Variants in NLGN4X observed in about 807,000 individuals in gnomAD.
NLGN4X encodes neuroligin-4, X-linked.
In NLGN4X, 3 loss-of-function variants were observed where a neutral mutation model predicts 40.3. That is an observed-to-expected ratio of 0.07 (90% CI 0.03 to 0.19). The LOEUF is 0.19. NLGN4X is among the 10% of genes least tolerant of loss of function. NLGN4X has a pLI of 1.00. For missense variants in NLGN4X, 382 were observed against 708.3 expected (o/e 0.54, Z 5.23); for synonymous variants, 270 against 306.8 (o/e 0.88, Z 1.25).
chrX:6,127,382 G>A (rs1333385043), intron 2 of NLGN4X, among the ~76,000 whole-genome samples: 1 of 112,645 alleles, frequency 8.9e-6, no homozygotes, highest in African/African-American at 3.2e-5. Flanking sequence ...GGGAGGCCGA[G>A]GGTGGATCAC....
intron 2 of NLGN4X, among the ~76,000 whole-genome samples, chrX:6,114,736 A>G (rs1368268067): frequency 9.0e-6 from 1 of 111,553 alleles, no homozygotes; most frequent in East Asian, 2.8e-4. Context: ...AGCTATTGGT[A>G]GTGACTGAGG....
rs956579844 is a variant in NLGN4X, at chrX:5,893,014, G to A, written c.2254C>T (p.Leu752=). ...ECESLQAHDT[L]RLTCPPDYTL... The stretch of plus-strand genomic sequence containing the variant: ...TAGTCTGGCGGGCAGGTGAGCCTCA[G>A]TGTGTCGTGTGCCTGCAGCGACTCA... Residue 752 remains leucine (L), a synonymous_variant, in exon 6 of 6, where the codon CTG becomes TTG. Coordinates refer to ENST00000381095, the MANE Select transcript of NLGN4X (RefSeq NM_181332.3). 9 of 1,209,194 alleles carry A rather than the reference G, an allele frequency of 7.4e-6. No individual in the cohort carries two copies. The highest frequency in any genetic ancestry group is 1.0e-5 in the Non-Finnish European group (9 of 895,106).
intron 2 of NLGN4X, among the ~76,000 whole-genome samples, chrX:6,041,546 T>C (rs751706615): frequency 3.6e-5 from 4 of 112,024 alleles, no homozygotes; most frequent in Non-Finnish European, 7.5e-5. Flanking sequence ...AGGCATTCCC[T>C]GTTCATCCCA....
chrX:6,037,079 G>A (rs934314791), intron 2 of NLGN4X, among the ~76,000 whole-genome samples: 8 of 110,990 alleles, frequency 7.2e-5, no homozygotes, highest in Admixed American at 6.8e-4. Flanking sequence ...TTGGGACGTC[G>A]AGGTGGGCGG....
intron 2 of NLGN4X, among the ~76,000 whole-genome samples, chrX:6,051,434 T>C (rs1290656746): frequency 2.7e-5 from 3 of 111,220 alleles, no homozygotes; most frequent in Non-Finnish European, 1.9e-5. Context: ...CAGTGGTCCC[T>C]AGACCCAATG....
chrX:5,958,778 C>T (rs2034572971), intron 3 of NLGN4X, among the ~76,000 whole-genome samples: 1 of 111,754 alleles, frequency 8.9e-6, no homozygotes. Context: ...ATGTAGAAAC[C>T]AGGTTGCAGA....
chrX:5,939,737 A>G (rs755041422), intron 3 of NLGN4X, among the ~76,000 whole-genome samples: 10 of 111,648 alleles, frequency 9.0e-5, no homozygotes, highest in Non-Finnish European at 1.7e-4. Context: ...CTCAGTTCCC[A>G]GTTATGTTCC....
intron 4 of NLGN4X, among the ~76,000 whole-genome samples, chrX:5,908,236 T>G (rs1413991232): frequency 9.1e-6 from 1 of 109,402 alleles, no homozygotes; most frequent in African/African-American, 3.3e-5. Flanking sequence ...AGGGAGACCA[T>G]CAGGGAGAGA....
chrX:6,166,906 TA>T (rs1400779116), intron 1 of NLGN4X, among the ~76,000 whole-genome samples: 2 of 108,933 alleles, frequency 1.8e-5, no homozygotes, highest in Non-Finnish European at 3.8e-5. Flanking sequence ...ACCTTGTTTC[TA>T]AAAATAATTT....
chrX:6,082,348 C>A (rs2038370140), intron 2 of NLGN4X, among the ~76,000 whole-genome samples: 1 of 100,695 alleles, frequency 9.9e-6, no homozygotes. Context: ...ACAGCCTGGG[C>A]AATATAGTGG....
chrX:6,198,338 T>G (rs1436796876), intron 1 of NLGN4X, among the ~76,000 whole-genome samples: 2 of 111,796 alleles, frequency 1.8e-5, no homozygotes, highest in Non-Finnish European at 3.8e-5. Context: ...GGACATAAGA[T>G]ATAACGATAT....
At chrX:5,904,522 A>G (rs764389324) in intron 4 of NLGN4X, among the ~76,000 whole-genome samples, 1 of 112,083 alleles carries the variant, frequency 8.9e-6, no homozygotes, top group Non-Finnish European at 1.9e-5. Context: ...TTTCAAAACT[A>G]CATCCATTGG....
At chrX:6,224,981 T>TAC in intron 1 of NLGN4X, among the ~76,000 whole-genome samples, 1 of 15,078 alleles carries the variant, frequency 6.6e-5, no homozygotes, top group Non-Finnish European at 1.9e-4. Flanking sequence ...AATGGCCATA[T>TAC]ATATATATAT....
chrX:5,946,988 T>G (rs1017259531), intron 3 of NLGN4X, among the ~76,000 whole-genome samples: 4 of 111,899 alleles, frequency 3.6e-5, no homozygotes, highest in African/African-American at 1.3e-4. Context: ...GCTCTATTCA[T>G]GTTCCTGCAA....
chrX:6,139,565 A>G (rs2039896255), intron 2 of NLGN4X, among the ~76,000 whole-genome samples: 1 of 111,923 alleles, frequency 8.9e-6, no homozygotes, highest in Non-Finnish European at 1.9e-5. Flanking sequence ...CTGCACAAAC[A>G]TGTGTTTACG....
At chrX:6,138,381 T>TA (rs1388762369) in intron 2 of NLGN4X, among the ~76,000 whole-genome samples, 2 of 111,865 alleles carry the variant, frequency 1.8e-5, no homozygotes, top group Non-Finnish European at 3.8e-5. Flanking sequence ...CAAAGCTATG[T>TA]ATTAGGAGAG....
intron 2 of NLGN4X, among the ~76,000 whole-genome samples, chrX:6,112,389 T>A (rs775478981): frequency 2.7e-5 from 3 of 110,840 alleles, no homozygotes; most frequent in African/African-American, 9.8e-5. Context: ...ATAAACAACA[T>A]CACATTAGAT....
chrX:6,202,742 T>C (rs1204080425), intron 1 of NLGN4X, among the ~76,000 whole-genome samples: 1 of 112,131 alleles, frequency 8.9e-6, no homozygotes, highest in African/African-American at 3.2e-5. Context: ...TCAAAGTCTA[T>C]TGATTACCTT....
chrX:5,990,997 T>TTA (rs2035667311), intron 3 of NLGN4X, among the ~76,000 whole-genome samples: 1 of 111,439 alleles, frequency 9.0e-6, no homozygotes, highest in African/African-American at 3.3e-5. Context: ...ATGCACACCT[T>TTA]TTATTTTGAA....
Sources: gnomAD v4.1 joint callset for allele counts (sites outside exome capture counted in the v4.1 genomes callset) on GRCh38, gnomAD v4.1.1 for gene constraint, MANE v1.5 for transcripts, NCBI Gene and HGNC (gene_info 2026-07-23, HGNC 2026-07-21) for gene names.